The following PPP3CA variants were observed in gnomAD, a reference collection of about 807,000 sequenced individuals.
The protein encoded by PPP3CA is protein phosphatase 3 catalytic subunit alpha.
Under a neutral mutation model 66.5 loss-of-function variants are expected in PPP3CA, and 14 were observed. That is an observed-to-expected ratio of 0.21 (90% CI 0.14 to 0.33). The LOEUF (loss-of-function observed/expected upper bound fraction) is 0.33. Ranked by LOEUF, PPP3CA falls within the 10% of genes least tolerant of loss-of-function variation. PPP3CA has a pLI of 1.00. For synonymous variants in PPP3CA, 232 were observed against 226.2 expected, an observed-to-expected ratio of 1.03 and a Z score of -0.23; for missense variants, 317 against 639.5, an observed-to-expected ratio of 0.50 and a Z score of 5.44.
chr4:101,147,321 G>A (rs1339517003), intron 2 of PPP3CA, among the ~76,000 whole-genome samples: 1 of 152,082 alleles, frequency 6.6e-6, no homozygotes, highest in Non-Finnish European at 1.5e-5. Flanking sequence ...TACTGTAAAA[G>A]GTTGCCATGT....
intron 8 of PPP3CA, among the ~76,000 whole-genome samples, chr4:101,070,479 C>T (rs546427343): frequency 6.6e-6 from 1 of 152,298 alleles, no homozygotes. Context: ...AGTTCTGTCA[C>T]ATGGCAACTG....
intron 3 of PPP3CA, among the ~76,000 whole-genome samples, chr4:101,107,279 T>G (rs1730795228): frequency 6.6e-6 from 1 of 152,210 alleles, no homozygotes; most frequent in Admixed American, 6.5e-5. Context: ...GTTTTAATAA[T>G]CCATTTAAAT....
intron 1 of PPP3CA, among the ~76,000 whole-genome samples, chr4:101,340,195 C>A (rs1433816281): frequency 6.6e-6 from 1 of 152,096 alleles, no homozygotes. Flanking sequence ...CAGACAGACA[C>A]AAGCAAAATT....
intron 2 of PPP3CA, among the ~76,000 whole-genome samples, chr4:101,155,370 C>G (rs1310325560): frequency 6.6e-6 from 1 of 152,148 alleles, no homozygotes; most frequent in Non-Finnish European, 1.5e-5. Context: ...TTATCAAACC[C>G]CTTTTCCCCT....
intron 11 of PPP3CA, among the ~76,000 whole-genome samples, chr4:101,035,996 A>G (rs1237012978): frequency 2.0e-5 from 3 of 152,210 alleles, no homozygotes; most frequent in Non-Finnish European, 2.9e-5. Flanking sequence ...TGTAGGCCCC[A>G]GTTACATGTG....
intron 11 of PPP3CA, among the ~76,000 whole-genome samples, chr4:101,036,463 G>A (rs1342699795): frequency 6.6e-6 from 1 of 151,430 alleles, no homozygotes; most frequent in African/African-American, 2.4e-5. Flanking sequence ...CCAGGCTGGA[G>A]TGCAGTGGCG....
chr4:101,235,341 C>A (rs573785550), intron 1 of PPP3CA, among the ~76,000 whole-genome samples: 2 of 151,776 alleles, frequency 1.3e-5, no homozygotes, highest in African/African-American at 4.8e-5. Context: ...CTCTTCCTGC[C>A]AACTAGTCTT....
intron 1 of PPP3CA, among the ~76,000 whole-genome samples, chr4:101,329,343 G>T (rs981663538): frequency 2.6e-5 from 4 of 152,168 alleles, no homozygotes; most frequent in Non-Finnish European, 4.4e-5. Flanking sequence ...GCTGAGAGAG[G>T]TGAGGAAGCT....
chr4:101,276,837 T>C (rs1401068751), intron 1 of PPP3CA, among the ~76,000 whole-genome samples: 2 of 152,222 alleles, frequency 1.3e-5, no homozygotes, highest in African/African-American at 2.4e-5. Flanking sequence ...TAGTACTGTA[T>C]ATTTGTTGAA....
chr4:101,340,155 T>A (rs1213537359), intron 1 of PPP3CA, among the ~76,000 whole-genome samples: 1 of 152,162 alleles, frequency 6.6e-6, no homozygotes, highest in East Asian at 1.9e-4. Flanking sequence ...CTTTTATAAA[T>A]CCCTGATATC....
chr4:101,213,570 T>TA (rs1214806280), intron 1 of PPP3CA, among the ~76,000 whole-genome samples: 1 of 152,098 alleles, frequency 6.6e-6, no homozygotes. Flanking sequence ...GTTTTCAACT[T>TA]AAAAAAACCC....
At chr4:101,190,451 C>A (rs1336512697) in intron 2 of PPP3CA, among the ~76,000 whole-genome samples, 1 of 152,096 alleles carries the variant, frequency 6.6e-6, no homozygotes, top group African/African-American at 2.4e-5. Context: ...TTCATGTAAC[C>A]ATGACGTAAT....
intron 2 of PPP3CA, among the ~76,000 whole-genome samples, chr4:101,149,488 T>C (rs1290153214): frequency 6.6e-6 from 1 of 152,164 alleles, no homozygotes; most frequent in Admixed American, 6.5e-5. Context: ...TAATCTAAGT[T>C]AAAAAATTTT....
At chr4:101,060,563 A>C (rs1164344218) in intron 10 of PPP3CA, among the ~76,000 whole-genome samples, 1 of 152,250 alleles carries the variant, frequency 6.6e-6, no homozygotes, top group Non-Finnish European at 1.5e-5. Flanking sequence ...GTAATATCTT[A>C]AAAAACATAA....
Position 101,192,015 on chromosome 4 carries a change from A to C in PPP3CA, c.259+3901T>G, listed in dbSNP as rs1560650141. Among the ~76,000 whole-genome samples, 4 of 152,158 alleles carry C rather than the reference A, an allele frequency of 2.6e-5. No individual in the cohort carries two copies. The South Asian group carries it at 8.3e-4, about 32-fold the overall frequency. On this transcript the variant is annotated intron_variant, in intron 2 of 13. Transcript: ENST00000394854. ...ACATGAGTTCTAAATCATTCTATTC[A>C]AAAAACCTAAGCTCCCGGTCTGCTT...
intron 1 of PPP3CA, among the ~76,000 whole-genome samples, chr4:101,333,329 A>G (rs1289864212): frequency 1.9e-5 from 2 of 107,444 alleles, no homozygotes; most frequent in Non-Finnish European, 3.4e-5. Flanking sequence ...AGGTCTCACT[A>G]TGATGTCCAG....
At chr4:101,249,689 CTT>C (rs1338283316) in intron 1 of PPP3CA, among the ~76,000 whole-genome samples, 1 of 152,056 alleles carries the variant, frequency 6.6e-6, no homozygotes, top group Admixed American at 6.6e-5. Flanking sequence ...TACAAAATGA[CTT>C]TTAAAATATT....
At chr4:101,312,486 TAAATAA>T (rs1322604119) in intron 1 of PPP3CA, among the ~76,000 whole-genome samples, 8 of 151,780 alleles carry the variant, frequency 5.3e-5, no homozygotes, top group Non-Finnish European at 8.8e-5. Flanking sequence ...AAAAAGCAAA[TAAATAA>T]AAATAAATAA....
At chr4:101,191,221 AT>A (rs1387772855) in intron 2 of PPP3CA, among the ~76,000 whole-genome samples, 2 of 152,080 alleles carry the variant, frequency 1.3e-5, no homozygotes, top group African/African-American at 2.4e-5. Context: ...AGCAATCTGT[AT>A]TTTGTGAAGC....
Sources: allele counts gnomAD v4.1 joint callset (sites outside exome capture counted in the v4.1 genomes callset), GRCh38; gene constraint gnomAD v4.1.1; transcripts MANE v1.5; gene names NCBI Gene and HGNC (gene_info 2026-07-23, HGNC 2026-07-21).